The following CDK8 variants were observed in gnomAD, a reference collection of about 807,000 sequenced individuals.
CDK8 encodes cyclin-dependent kinase 8.
A neutral mutation model predicts 71.5 loss-of-function variants in CDK8; 29 were observed. The ratio of observed to expected loss-of-function variants is 0.41; its 90% CI spans 0.30 to 0.55. CDK8 has a LOEUF of 0.55. CDK8 is among the 20% of genes least tolerant of loss of function. The pLI, the probability that CDK8 is intolerant of heterozygous loss-of-function variation, is 0.37. For synonymous variants in CDK8, 161 were observed against 192.1 expected (o/e 0.84, Z 1.34); for missense variants, 288 against 572.6 (o/e 0.50, Z 5.07).
chr13:26,360,749 A>G (rs947495298), intron 4 of CDK8, among the ~76,000 whole-genome samples: 1 of 152,202 alleles, frequency 6.6e-6, no homozygotes, highest in Non-Finnish European at 1.5e-5. Context: ...GTGGCTTCCA[A>G]GGTTATTTCT....
At chr13:26,303,293 A>G (rs1873901636) in intron 1 of CDK8, among the ~76,000 whole-genome samples, 1 of 151,274 alleles carries the variant, frequency 6.6e-6, no homozygotes, top group African/African-American at 2.4e-5. Context: ...TACTTGGATT[A>G]TCTATAAATA....
chr13:26,324,352 G>A (rs1175705), intron 1 of CDK8, among the ~76,000 whole-genome samples: 132,636 of 152,146 alleles, frequency 0.87, 58,399 homozygotes, highest in East Asian at 1. Flanking sequence ...GTAGAAAGTA[G>A]CTTTGATTTG....
At chr13:26,398,911 C>T (rs1471448616) in intron 9 of CDK8, among the ~76,000 whole-genome samples, 1 of 150,654 alleles carries the variant, frequency 6.6e-6, no homozygotes, top group East Asian at 2.0e-4. Context: ...TTGCAGTGAG[C>T]CTAGATCGTG....
chr13:26,254,595 G>GCCCCCCCGCCCCCCCCCCCCC lies in CDK8; in HGVS notation c.-41_-40insCGCCCCCCCCCCCCCCCCCCC. ...CCGTGCTTCCCCGGTCCCCACCCCTGCCCCCCGGCCCCCCGACCCAGCTCT... is the reference window on the plus strand; with the variant it reads ...CCGTGCTTCCCCGGTCCCCACCCCTGCCCCCCCGCCCCCCCCCCCCCCCCCCCGGCCCCCCGACCCAGCTCT... On this transcript the variant is annotated 5_prime_UTR_variant, in exon 1 of 13. Transcript: ENST00000381527. The surrounding 1 kb of genome is among the most constrained non-coding windows in gnomAD (Gnocchi z 6.7). 2 of 1,194,432 alleles carry GCCCCCCCGCCCCCCCCCCCCC rather than the reference G, an allele frequency of 1.7e-6. No individual in the cohort carries two copies. Among genetic ancestry groups the GCCCCCCCGCCCCCCCCCCCCC allele is most frequent in the Non-Finnish European group, 2.4e-6 (2 of 847,012 alleles). The allele number at this position is 1,194,432 out of a possible 1,614,324, so 74.0% of individuals were successfully genotyped here.
intron 8 of CDK8, 54 bp from the exon 9 acceptor site, chr13:26,397,099 A>G: frequency 4.1e-6 from 4 of 983,560 alleles, no homozygotes; most frequent in Non-Finnish European, 6.5e-6. Context: ...ACTTTAGCCA[A>G]TGTACAATTA....
chr13:26,317,150 C>T (rs1406047676), intron 1 of CDK8, among the ~76,000 whole-genome samples: 1 of 152,010 alleles, frequency 6.6e-6, no homozygotes, highest in Non-Finnish European at 1.5e-5. Flanking sequence ...GTGGGAGTTC[C>T]AGAGAAGAAG....
intron 4 of CDK8, among the ~76,000 whole-genome samples, chr13:26,372,970 G>A (rs1000992921): frequency 1.3e-5 from 2 of 152,118 alleles, no homozygotes; most frequent in Non-Finnish European, 2.9e-5. Context: ...GTACCCCTGT[G>A]AATTATGCCA....
chr13:26,271,023 A>G (rs1303044982), intron 1 of CDK8, among the ~76,000 whole-genome samples: 1 of 152,158 alleles, frequency 6.6e-6, no homozygotes, highest in Non-Finnish European at 1.5e-5. Context: ...AGGGTATTAA[A>G]TGGTATCTTA....
intron 1 of CDK8, among the ~76,000 whole-genome samples, chr13:26,314,981 CT>C (rs141485215): frequency 2.0e-5 from 3 of 151,694 alleles, no homozygotes; most frequent in Non-Finnish European, 2.9e-5. Flanking sequence ...ATATTAATGT[CT>C]TTTTTTTCAG....
intron 1 of CDK8, among the ~76,000 whole-genome samples, chr13:26,331,860 A>G (rs1363347469): frequency 2.0e-5 from 3 of 152,118 alleles, no homozygotes; most frequent in Admixed American, 2.0e-4. Flanking sequence ...TGGCATTGGT[A>G]TTTTGACTGG....
At chr13:26,275,442 T>A (rs1872524733) in intron 1 of CDK8, among the ~76,000 whole-genome samples, 2 of 152,252 alleles carry the variant, frequency 1.3e-5, no homozygotes, top group Admixed American at 1.3e-4. Context: ...GTGTTTTTCA[T>A]ATGGGTCCTA....
At chr13:26,300,941 CTATT>C (rs1257812890) in intron 1 of CDK8, among the ~76,000 whole-genome samples, 2 of 152,092 alleles carry the variant, frequency 1.3e-5, no homozygotes, top group African/African-American at 4.8e-5. Context: ...GATGAATAGT[CTATT>C]TATAGCCCTG....
At chr13:26,311,819 G>A (rs1167175582) in intron 1 of CDK8, among the ~76,000 whole-genome samples, 1 of 152,084 alleles carries the variant, frequency 6.6e-6, no homozygotes, top group African/African-American at 2.4e-5. Flanking sequence ...CCAATCACAG[G>A]CAAAAGAAGT....
intron 1 of CDK8, among the ~76,000 whole-genome samples, chr13:26,330,097 A>G (rs867967656): frequency 6.6e-6 from 1 of 152,186 alleles, no homozygotes; most frequent in South Asian, 2.1e-4. Flanking sequence ...TGTTACATGT[A>G]TATAATACAT....
At chr13:26,398,744 C>T (rs1330258875) in intron 9 of CDK8, among the ~76,000 whole-genome samples, 11 of 152,088 alleles carry the variant, frequency 7.2e-5, no homozygotes, top group Admixed American at 3.3e-4. Flanking sequence ...GAGGCCGAGG[C>T]GGGCGGATCA....
rs1871409165 is a variant in CDK8 at position 26,254,274 on chromosome 13, G to C, written c.-368G>C. ...CGAGAGCCCGCCTGGCCGCCCCGCC[G>C]CTCCCGCCGCAGCAGGAGCAGAACG... On this transcript the variant is annotated 5_prime_UTR_variant, in exon 1 of 13. Transcript: ENST00000381527. The surrounding 1 kb of genome is among the most constrained non-coding windows in gnomAD (Gnocchi z 6.7). 1 of 275,874 alleles carries C rather than the reference G, an allele frequency of 3.6e-6. No homozygotes were observed. Among genetic ancestry groups the C allele is most frequent in the Non-Finnish European group, 6.9e-6 (1 of 144,328 alleles). 17.1% of individuals were successfully genotyped at this position (275,874 alleles called of 1,614,324 possible). A position where few individuals can be genotyped will look rare whatever the true frequency, so the allele number is the denominator to read the frequency against.
In CDK8 at chr13:26,355,571, G is replaced by A. The variant is rs534820544; in HGVS notation, c.456+1691G>A. Among the ~76,000 whole-genome samples the A allele has an allele frequency of 2.3e-3, 352 of 152,204 alleles. 3 individuals are homozygous for A. Among genetic ancestry groups the A allele is most frequent in the African/African-American group, 8.2e-3 (340 of 41,514 alleles). Reference sequence around the variant, plus strand: ...TGAGGTTGCAGTGAGCCAAGATCGCGCCACTTCACTCCAGCCTGGGCGACA... The same window carrying A: ...TGAGGTTGCAGTGAGCCAAGATCGCACCACTTCACTCCAGCCTGGGCGACA... On this transcript the variant is annotated intron_variant, in intron 4 of 12. Transcript: ENST00000381527.
chr13:26,365,223 G>T (rs1874332295), intron 4 of CDK8, among the ~76,000 whole-genome samples: 1 of 152,064 alleles, frequency 6.6e-6, no homozygotes, highest in Non-Finnish European at 1.5e-5. Context: ...ATTTAAATGA[G>T]ATTTGCATTA....
chr13:26,340,640 G>A (rs1418028007), intron 2 of CDK8, among the ~76,000 whole-genome samples: 11 of 152,028 alleles, frequency 7.2e-5, no homozygotes, highest in Admixed American at 4.6e-4. Context: ...GAAGTTGTGC[G>A]TCCCCAGCAT....
Sources: allele counts gnomAD v4.1 joint callset (sites outside exome capture counted in the v4.1 genomes callset), GRCh38; gene constraint gnomAD v4.1.1; non-coding constraint Gnocchi (gnomAD v3.1); transcripts MANE v1.5; gene names NCBI Gene and HGNC (gene_info 2026-07-23, HGNC 2026-07-21).